SBF2: variants seen among roughly 807,000 people sequenced by gnomAD.
SBF2 encodes the protein myotubularin-related protein 13.
SBF2 carries 112 observed loss-of-function variants against 225.2 expected under a neutral mutation model. That is an observed-to-expected ratio of 0.50 (90% confidence interval 0.43 to 0.58). The LOEUF (loss-of-function observed/expected upper bound fraction) is 0.58, where lower values mean the gene tolerates loss of function less well. SBF2 is among the 20% of genes least tolerant of loss of function. The probability of loss-of-function intolerance (pLI) is 0.00; values close to 1 mark genes in which losing one functional copy is unlikely to be tolerated. For missense variants in SBF2, 1,996 were observed against 2,206.2 expected, an observed-to-expected ratio of 0.90 and a Z score of 1.91; for synonymous variants, 763 against 773.3, an observed-to-expected ratio of 0.99 and a Z score of 0.22.
chr11:10,009,543 A>C (rs1219321573), intron 6 of SBF2, among the ~76,000 whole-genome samples: 1 of 152,112 alleles, frequency 6.6e-6, no homozygotes, highest in Non-Finnish European at 1.5e-5. Flanking sequence ...GTTTGCTGAG[A>C]ATGATGGTTT....
chr11:9,789,264 A>G lies in SBF2; in HGVS notation c.4777T>C (p.Ser1593Pro). ...GGGGTTAGCATCATCCAGTCATAGG[A>G]AGGGCCTGTGGACAGGGTCTCTTCT... The part of the protein sequence containing the change: ...YIEETLSTGP[S>P]YDWMMLTPKH... The change falls in exon 35 of 40, where the codon TCC (serine) becomes CCC (proline). Residue 1593 changes from serine to proline, a missense_variant. Transcript: ENST00000256190. 1 of 1,614,152 alleles carries G rather than the reference A, an allele frequency of 6.2e-7. No homozygotes were observed. The highest frequency in any genetic ancestry group is 8.5e-7 in the Non-Finnish European group (1 of 1,180,030).
chr11:10,194,092 T>A (rs1591185565), intron 1 of SBF2, 105 bp from the exon 2 acceptor site: 2 of 814,976 alleles, frequency 2.5e-6, no homozygotes, highest in East Asian at 5.3e-5. Context: ...AATAAGTTAA[T>A]AAACTGATTA....
At chr11:10,028,031 T>A (rs1949112761) in intron 6 of SBF2, among the ~76,000 whole-genome samples, 1 of 152,168 alleles carries the variant, frequency 6.6e-6, no homozygotes. Context: ...TACCTCAGCC[T>A]CCCTAGTAGC....
At chr11:10,006,115 G>A (rs1948177200) in intron 6 of SBF2, among the ~76,000 whole-genome samples, 1 of 152,112 alleles carries the variant, frequency 6.6e-6, no homozygotes, top group African/African-American at 2.4e-5. Flanking sequence ...CTATTCTCCT[G>A]TTTTCTCTGT....
Position 10,154,491 on chromosome 11 carries a change from G to A in SBF2, c.141+39411C>T, listed in dbSNP as rs551930868. 2.4e-4 allele frequency among the ~76,000 whole-genome samples: 36 copies of A among 152,050 alleles called. No homozygotes were observed. In the South Asian group the frequency reaches 6.2e-3, roughly 26 times the overall value. On this transcript the variant is annotated intron_variant, in intron 2 of 39. Coordinates refer to ENST00000256190, the MANE Select transcript of SBF2 (RefSeq NM_030962.4). ...CAGTTATCATACTTTTTCAGTTCTC[G>A]TATTTGATGTAATTCCTAGTTTCTA...
At chr11:10,296,357 T>C (rs537786247), upstream of SBF2, among the ~76,000 whole-genome samples, 14 of 152,298 alleles carry the variant, frequency 9.2e-5, no homozygotes, top group South Asian at 4.2e-4. Flanking sequence ...AGAGGTTTAA[T>C]TGACTCACAG....
In SBF2 at chr11:10,081,652, C is replaced by T. The variant is rs1057147139; in HGVS notation, c.142-38671G>A. ...ACACGCGCCTGTAGTCCTAGCTACT[C>T]GGGAGGCTGAGGCAGGAGGATCGCT... On this transcript the variant is annotated intron_variant, in intron 2 of 39. Coordinates refer to ENST00000256190, the MANE Select transcript of SBF2 (RefSeq NM_030962.4). Among the ~76,000 whole-genome samples, 79 of 150,396 alleles carry T rather than the reference C, an allele frequency of 5.3e-4. 1 individual carries two copies. The highest frequency in any genetic ancestry group is 3.5e-3 in the Middle Eastern group (1 of 288).
intron 16 of SBF2, among the ~76,000 whole-genome samples, chr11:9,920,178 CTA>C (rs200093233): frequency 0.026 from 3,473 of 135,666 alleles, 133 homozygotes; most frequent in African/African-American, 0.087. Context: ...ACTGCAAATA[CTA>C]TATGTGTGTG....
intron 6 of SBF2, among the ~76,000 whole-genome samples, chr11:10,011,046 G>C (rs1009533742): frequency 2.0e-5 from 3 of 151,980 alleles, no homozygotes; most frequent in Non-Finnish European, 2.9e-5. Flanking sequence ...GTCTATTAGT[G>C]GTGTATAGGA....
At chr11:10,073,229 C>T (rs1404993677) in intron 2 of SBF2, among the ~76,000 whole-genome samples, 1 of 152,068 alleles carries the variant, frequency 6.6e-6, no homozygotes, top group Admixed American at 6.5e-5. Context: ...ATAAAGTAAG[C>T]TTTTACTTAC....
intron 2 of SBF2, among the ~76,000 whole-genome samples, chr11:10,069,402 A>T (rs113223549): frequency 0.18 from 25,966 of 147,952 alleles, 2,423 homozygotes; most frequent in East Asian, 0.29. Context: ...GAGTGAGAAC[A>T]TGTGGTGTTT....
intron 17 of SBF2, among the ~76,000 whole-genome samples, chr11:9,870,752 GAGCACAAAGTC>G (rs1470902223): frequency 6.6e-6 from 1 of 152,038 alleles, no homozygotes; most frequent in African/African-American, 2.4e-5. Flanking sequence ...GAGGTGGGTG[GAGCACAAAGTC>G]AGGAGATTGA....
chr11:10,290,596 T>C (rs1224771289), intron 1 of SBF2, among the ~76,000 whole-genome samples: 2 of 151,870 alleles, frequency 1.3e-5, no homozygotes, highest in Non-Finnish European at 1.5e-5. Context: ...GAGGAGTAGA[T>C]GGTAGTGAAG....
intron 2 of SBF2, among the ~76,000 whole-genome samples, chr11:10,166,540 CA>C (rs1487824329): frequency 6.6e-6 from 1 of 151,576 alleles, no homozygotes; most frequent in African/African-American, 2.4e-5. Flanking sequence ...TATTTATACA[CA>C]AAAAAATGTT....
In SBF2 at chr11:9,855,854, A is replaced by T. The variant is rs188130032; in HGVS notation, c.2363+604T>A. ...GTTTAGGTGAGAATATTCCAGAATG[A>T]AAATACCAGTACAAAGGATGTGAGG... On this transcript the variant is annotated intron_variant, in intron 19 of 39. Coordinates refer to ENST00000256190, the MANE Select transcript of SBF2 (RefSeq NM_030962.4). Among the ~76,000 whole-genome samples the T allele has an allele frequency of 1.4e-3, 217 of 152,342 alleles. 1 individual carries two copies. Among genetic ancestry groups the T allele is most frequent in the African/African-American group, 4.9e-3 (205 of 41,580 alleles).
At chr11:10,094,774 G>A (rs1951947399) in intron 2 of SBF2, among the ~76,000 whole-genome samples, 1 of 151,498 alleles carries the variant, frequency 6.6e-6, no homozygotes, top group African/African-American at 2.4e-5. Flanking sequence ...TAAAGTGCTG[G>A]GATTATAGGC....
intron 1 of SBF2, among the ~76,000 whole-genome samples, chr11:10,258,109 CTTT>C (rs1555098199): frequency 3.7e-5 from 5 of 133,500 alleles, no homozygotes; most frequent in South Asian, 2.4e-4. Context: ...CACACACACA[CTTT>C]TTTTTTTTTT....
intron 2 of SBF2, among the ~76,000 whole-genome samples, chr11:10,101,750 G>A (rs894627171): frequency 1.3e-5 from 2 of 151,550 alleles, no homozygotes; most frequent in African/African-American, 4.8e-5. Context: ...AGAAAAAAAG[G>A]ATTTGTGAGA....
Position 9,890,683 on chromosome 11 carries a change from T to C in SBF2, c.1929+5260A>G, listed in dbSNP as rs144926047. Among the ~76,000 whole-genome samples the C allele has an allele frequency of 2.6e-3, 396 of 152,304 alleles. 2 individuals carry two copies. The highest frequency in any genetic ancestry group is 9.0e-3 in the African/African-American group (372 of 41,560). On this transcript the variant is annotated intron_variant, in intron 17 of 39. Coordinates refer to ENST00000256190, the MANE Select transcript of SBF2 (RefSeq NM_030962.4). ...AGTGTTAGCTCTCCTGGGAGTCATTTTGAGTATCAATAACCAACAGATGTG... is the reference window on the plus strand; with the variant it reads ...AGTGTTAGCTCTCCTGGGAGTCATTCTGAGTATCAATAACCAACAGATGTG...
Sources: gnomAD v4.1 joint callset for allele counts (sites outside exome capture counted in the v4.1 genomes callset) on GRCh38, gnomAD v4.1.1 for gene constraint, MANE v1.5 for transcripts, NCBI Gene and HGNC (gene_info 2026-07-23, HGNC 2026-07-21) for gene names.